GSAP: variants seen among roughly 807,000 people sequenced by gnomAD.
GSAP encodes the protein gamma-secretase-activating protein.
Under a neutral mutation model 131.7 loss-of-function variants are expected in GSAP, and 118 were observed. The ratio of observed to expected loss-of-function variants is 0.90; its 90% CI spans 0.77 to 1.04. GSAP has a LOEUF of 1.04. Ranked by LOEUF, GSAP falls within the 50% of genes least tolerant of loss-of-function variation. The pLI, the probability that GSAP is intolerant of heterozygous loss-of-function variation, is 0.00. For missense variants in GSAP, 1,019 were observed against 1,013.2 expected (o/e 1.01, Z -0.08); for synonymous variants, 381 against 363.4 (o/e 1.05, Z -0.55).
At chr7:77,345,667 A>C (rs554165521) in intron 19 of GSAP, among the ~76,000 whole-genome samples, 1 of 152,238 alleles carries the variant, frequency 6.6e-6, no homozygotes, top group South Asian at 2.1e-4. Context: ...AAGCTCCCCC[A>C]CTGAGCAACT....
intron 3 of GSAP, among the ~76,000 whole-genome samples, 158 bp downstream of exon 3, chr7:77,404,401 T>C (rs576795616): frequency 1.0e-3 from 154 of 152,360 alleles, no homozygotes; most frequent in African/African-American, 3.5e-3. Context: ...AAGACTACCC[T>C]GGTCTGTGTG....
At chr7:77,354,823 G>A (rs1485203051) in intron 16 of GSAP, among the ~76,000 whole-genome samples, 2 of 152,070 alleles carry the variant, frequency 1.3e-5, no homozygotes, top group African/African-American at 4.8e-5. Flanking sequence ...AAATACAAAT[G>A]TAAGCTATTT....
chr7:77,356,939 A>G (rs1021621011), intron 14 of GSAP, among the ~76,000 whole-genome samples: 3 of 152,360 alleles, frequency 2.0e-5, no homozygotes, highest in African/African-American at 7.2e-5. Context: ...AAATGATGCT[A>G]AAGTGCTTAG....
chr7:77,400,020 A>G (rs10276673), intron 3 of GSAP, among the ~76,000 whole-genome samples: 18,761 of 152,092 alleles, frequency 0.12, 1,664 homozygotes, highest in East Asian at 0.41. Flanking sequence ...GAAACATAGC[A>G]AGAGAGAAAC....
intron 5 of GSAP, among the ~76,000 whole-genome samples, chr7:77,393,134 C>A (rs896518689): frequency 5.9e-5 from 9 of 152,014 alleles, no homozygotes; most frequent in Non-Finnish European, 1.5e-5. Flanking sequence ...AAAAATGGTA[C>A]AATTTGTCTC....
chr7:77,384,761 A>T (rs1183131795), intron 6 of GSAP, among the ~76,000 whole-genome samples: 1 of 152,142 alleles, frequency 6.6e-6, no homozygotes, highest in Non-Finnish European at 1.5e-5. Context: ...GCTGGAGATC[A>T]CCATGGATGT....
chr7:77,348,964 G>A (rs995426644), intron 19 of GSAP, among the ~76,000 whole-genome samples: 3 of 152,172 alleles, frequency 2.0e-5, no homozygotes, highest in Non-Finnish European at 2.9e-5. Context: ...GCACGTGCAC[G>A]TGCGCAAGCT....
chr7:77,414,596 G>A (rs1803936533), intron 1 of GSAP, among the ~76,000 whole-genome samples: 1 of 152,282 alleles, frequency 6.6e-6, no homozygotes, highest in East Asian at 1.9e-4. Context: ...TATTTCTTCA[G>A]AGATGAGCGA....
At chr7:77,333,598 C>G (rs1789500125) in intron 19 of GSAP, among the ~76,000 whole-genome samples, 1 of 152,182 alleles carries the variant, frequency 6.6e-6, no homozygotes, top group South Asian at 2.1e-4. Context: ...CCCTCAAACA[C>G]TTTACTCAGT....
chr7:77,391,590 A>G (rs1371642903), intron 5 of GSAP, among the ~76,000 whole-genome samples: 1 of 152,148 alleles, frequency 6.6e-6, no homozygotes, highest in Non-Finnish European at 1.5e-5. Flanking sequence ...TTTGGAGGCC[A>G]AGGCAGGAAG....
At chr7:77,390,905 C>T (rs1227115642) in intron 5 of GSAP, among the ~76,000 whole-genome samples, 7 of 134,224 alleles carry the variant, frequency 5.2e-5, no homozygotes, top group South Asian at 2.3e-4. Flanking sequence ...GCCAAGGTTG[C>T]GCCACTGCAC....
intron 6 of GSAP, among the ~76,000 whole-genome samples, chr7:77,386,166 A>G (rs1283539420): frequency 6.6e-6 from 1 of 152,244 alleles, no homozygotes. Context: ...TAATTCTGGA[A>G]GAAAATAATT....
intron 19 of GSAP, among the ~76,000 whole-genome samples, chr7:77,332,503 C>T (rs1347907072): frequency 6.6e-6 from 1 of 152,160 alleles, no homozygotes; most frequent in Non-Finnish European, 1.5e-5. Flanking sequence ...AGTGGACAGG[C>T]TTTCCAGGGG....
intron 14 of GSAP, among the ~76,000 whole-genome samples, chr7:77,357,186 T>C (rs1368700616): frequency 6.6e-6 from 1 of 152,128 alleles, no homozygotes; most frequent in Non-Finnish European, 1.5e-5. Context: ...AGATTCCTAT[T>C]TGGCATTTGG....
chr7:77,369,117 C>T (rs1351923728), intron 12 of GSAP, among the ~76,000 whole-genome samples: 4 of 152,108 alleles, frequency 2.6e-5, no homozygotes, highest in Non-Finnish European at 4.4e-5. Flanking sequence ...AAGAGCAACT[C>T]GTGCAGTTAT....
chr7:77,357,464 C>T (rs927705215), intron 14 of GSAP, among the ~76,000 whole-genome samples: 8 of 152,156 alleles, frequency 5.3e-5, no homozygotes, highest in South Asian at 2.1e-4. Flanking sequence ...GAAGAGAAGA[C>T]GACCATACAA....
At chr7:77,353,482 C>A in intron 17 of GSAP, 90 bp downstream of exon 17, 1 of 710,520 alleles carries the variant, frequency 1.4e-6, no homozygotes, top group Non-Finnish European at 2.5e-6. Context: ...AGCATTTGGA[C>A]AGGTTGAGGC....
chr7:77,346,038 G>A (rs1791759728), intron 19 of GSAP, among the ~76,000 whole-genome samples: 1 of 152,012 alleles, frequency 6.6e-6, no homozygotes, highest in South Asian at 2.1e-4. Context: ...GGGAGGCCGA[G>A]GTGGGCAGAT....
chr7:77,364,145 T>A (rs1794933942), intron 12 of GSAP, among the ~76,000 whole-genome samples: 1 of 152,140 alleles, frequency 6.6e-6, no homozygotes, highest in Non-Finnish European at 1.5e-5. Context: ...TGAAATACTG[T>A]CAAGGGAGCA....
Sources: gnomAD v4.1 joint callset for allele counts (sites outside exome capture counted in the v4.1 genomes callset) on GRCh38, gnomAD v4.1.1 for gene constraint, MANE v1.5 for transcripts, NCBI Gene and HGNC (gene_info 2026-07-23, HGNC 2026-07-21) for gene names.